EHBP1: variants seen among roughly 807,000 people sequenced by gnomAD.
EHBP1 encodes EH domain binding protein 1, also known as EH domain-binding protein 1.
Under a neutral mutation model 144.0 loss-of-function variants are expected in EHBP1, and 55 were observed. The ratio of observed to expected loss-of-function variants is 0.38; its 90% CI spans 0.31 to 0.48. The LOEUF (loss-of-function observed/expected upper bound fraction) is 0.48. Ranked by LOEUF, EHBP1 falls within the 20% of genes least tolerant of loss-of-function variation. The probability of loss-of-function intolerance (pLI) is 0.98; values close to 1 mark genes in which losing one functional copy is unlikely to be tolerated. For missense variants in EHBP1, 1,200 were observed against 1,364.2 expected (o/e 0.88, Z 1.90); for synonymous variants, 469 against 472.7 (o/e 0.99, Z 0.10).
chr2:62,992,442 T>C (rs1345573780), intron 16 of EHBP1, among the ~76,000 whole-genome samples: 1 of 152,182 alleles, frequency 6.6e-6, no homozygotes, highest in Non-Finnish European at 1.5e-5. Context: ...AACACTCTTA[T>C]ATAGTAGTCT....
chr2:62,919,083 C>T (rs1379021057), intron 10 of EHBP1, among the ~76,000 whole-genome samples: 1 of 152,298 alleles, frequency 6.6e-6, no homozygotes, highest in East Asian at 1.9e-4. Context: ...ATAGCTTGCA[C>T]AGAGCTTGTA....
intron 5 of EHBP1, among the ~76,000 whole-genome samples, chr2:62,786,747 A>G (rs1201173762): frequency 6.6e-6 from 1 of 152,198 alleles, no homozygotes; most frequent in Non-Finnish European, 1.5e-5. Context: ...GTATATAGTT[A>G]TGAAGATGCT....
rs190311642 is a variant in EHBP1 at position 62,792,584 on chromosome 2, A to T, written c.312+21192A>T. The stretch of plus-strand genomic sequence containing the variant: ...TTATATACTATATTTATGGATTTTT[A>T]AAAAATTTGACCTTACTCAGCTATT... On this transcript the variant is annotated intron_variant, in intron 5 of 22. Coordinates refer to ENST00000431489, the MANE Select transcript of EHBP1 (RefSeq NM_001142616.3). Among the ~76,000 whole-genome samples the T allele has an allele frequency of 4.9e-4, 74 of 152,160 alleles. 1 individual carries two copies. The highest frequency in any genetic ancestry group is 1.5e-3 in the African/African-American group (63 of 41,568).
intron 19 of EHBP1, among the ~76,000 whole-genome samples, chr2:63,013,123 C>T (rs904769907): frequency 8.5e-5 from 13 of 152,122 alleles, no homozygotes; most frequent in African/African-American, 2.2e-4. Context: ...AAAATAGAAT[C>T]GGGTCTTACA....
chr2:62,984,859 AC>A (rs2059122462), intron 15 of EHBP1, among the ~76,000 whole-genome samples: 1 of 152,180 alleles, frequency 6.6e-6, no homozygotes, highest in East Asian at 1.9e-4. Context: ...TCATACAGGA[AC>A]CTAGCACTGT....
intron 19 of EHBP1, among the ~76,000 whole-genome samples, 192 bp downstream of exon 19, chr2:62,996,958 G>A (rs758951293): frequency 1.1e-4 from 17 of 151,956 alleles, no homozygotes; most frequent in Non-Finnish European, 1.5e-4. Flanking sequence ...GTGATAACTC[G>A]CCCTGATACC....
At chr2:62,727,020 G>A (rs952532809) in intron 2 of EHBP1, among the ~76,000 whole-genome samples, 1 of 151,992 alleles carries the variant, frequency 6.6e-6, no homozygotes, top group African/African-American at 2.4e-5. Context: ...ATGCCACCAC[G>A]CCCGACTAAT....
At chr2:63,006,831 A>G (rs2060058345) in intron 19 of EHBP1, among the ~76,000 whole-genome samples, 1 of 151,682 alleles carries the variant, frequency 6.6e-6, no homozygotes, top group Non-Finnish European at 1.5e-5. Context: ...AATTATATAT[A>G]TATATATGTC....
chr2:62,990,081 T>C (rs2059353560), intron 15 of EHBP1, among the ~76,000 whole-genome samples: 1 of 152,138 alleles, frequency 6.6e-6, no homozygotes, highest in Non-Finnish European at 1.5e-5. Context: ...TTTCTACTCA[T>C]TTTGAACTAT....
intron 19 of EHBP1, among the ~76,000 whole-genome samples, chr2:63,026,294 TTGTGTG>T (rs60109170): frequency 0.24 from 31,428 of 129,048 alleles, 3,409 homozygotes; most frequent in Admixed American, 0.3. Context: ...GCTCTCTACC[TTGTGTG>T]TGTGTGTGTG....
chr2:62,857,503 A>G (rs2049152650), intron 7 of EHBP1, among the ~76,000 whole-genome samples: 1 of 152,248 alleles, frequency 6.6e-6, no homozygotes, highest in African/African-American at 2.4e-5. Context: ...GTTAAAGAAC[A>G]GTACTTTTAA....
intron 3 of EHBP1, 122 bp downstream of exon 3, chr2:62,747,574 A>G (rs2039279716): frequency 1.3e-6 from 1 of 759,998 alleles, no homozygotes. Flanking sequence ...TTGATTGTCT[A>G]CTGAAAATGG....
chr2:63,043,923 T>C (rs2061800021), intron 21 of EHBP1: 1 of 69,570 alleles, frequency 1.4e-5, no homozygotes, highest in East Asian at 4.5e-4. Context: ...CATGGTTCTT[T>C]TTTTTTTTTT....
chr2:63,044,986 GA>G, intron 21 of EHBP1, 79 bp from the exon 22 acceptor site: 4 of 1,046,022 alleles, frequency 3.8e-6, no homozygotes, highest in South Asian at 1.5e-5. Flanking sequence ...AAGGAAACTG[GA>G]AAAGGCGGGA....
At chr2:62,821,948 TC>T (rs1439232258) in intron 5 of EHBP1, among the ~76,000 whole-genome samples, 2 of 152,120 alleles carry the variant, frequency 1.3e-5, no homozygotes, top group Non-Finnish European at 2.9e-5. Flanking sequence ...GTGGTGTCTT[TC>T]CCCTCAAGCA....
At chr2:62,965,940 A>AT (rs1312560703) in intron 14 of EHBP1, among the ~76,000 whole-genome samples, 1 of 152,154 alleles carries the variant, frequency 6.6e-6, no homozygotes, top group Non-Finnish European at 1.5e-5. Context: ...TTACAACTAG[A>AT]TTTTGTTAAG....
At chr2:62,860,143 A>G (rs930920162) in intron 8 of EHBP1, among the ~76,000 whole-genome samples, 1 of 152,162 alleles carries the variant, frequency 6.6e-6, no homozygotes, top group Non-Finnish European at 1.5e-5. Context: ...TGTATTCATG[A>G]GTTTTTTATT....
intron 2 of EHBP1, among the ~76,000 whole-genome samples, chr2:62,722,759 T>C (rs1056323026): frequency 6.6e-6 from 1 of 152,218 alleles, no homozygotes; most frequent in Non-Finnish European, 1.5e-5. Context: ...TTGTCTGATA[T>C]TTACTCATGA....
intron 10 of EHBP1, among the ~76,000 whole-genome samples, chr2:62,910,740 C>T (rs369209422): frequency 6.6e-6 from 1 of 152,110 alleles, no homozygotes; most frequent in African/African-American, 2.4e-5. Context: ...AAAAAGCATG[C>T]CAGGTTTTCA....
Sources: gnomAD v4.1 joint callset for allele counts (sites outside exome capture counted in the v4.1 genomes callset) on GRCh38, gnomAD v4.1.1 for gene constraint, MANE v1.5 for transcripts, NCBI Gene and HGNC (gene_info 2026-07-23, HGNC 2026-07-21) for gene names.